TEKT4: variants seen among roughly 807,000 people sequenced by gnomAD.
TEKT4 encodes the protein tektin-4.
In TEKT4, 46 loss-of-function variants were observed where a neutral mutation model predicts 46.0. The ratio of observed to expected loss-of-function variants is 1.00; its 90% CI spans 0.79 to 1.28. The LOEUF (loss-of-function observed/expected upper bound fraction) is 1.28, where lower values mean the gene tolerates loss of function less well. Ranked by LOEUF, TEKT4 falls within the 50% of genes most tolerant of loss-of-function variation. The pLI is 0.00. For synonymous variants in TEKT4, 325 were observed against 265.8 expected, an observed-to-expected ratio of 1.22 and a Z score of -2.17; for missense variants, 790 against 622.9, an observed-to-expected ratio of 1.27 and a Z score of -2.85.
intron 1 of TEKT4, chr2:94,872,941 G>C (rs1450372513): frequency 7.8e-7 from 1 of 1,289,430 alleles, no homozygotes; most frequent in Non-Finnish European, 1.0e-6. Context: ...GCAAACCCAG[G>C]GATAGAGGGG....
At position 94,873,582 on chromosome 2, in the gene TEKT4, C is replaced by T. The variant is rs781887659; in HGVS notation, c.561C>T (p.Ser187=). ...AGAGAACCATCATGCAAGCAGTGAGCCAGATCCGGTGGGTAGAGGGCTGCC... is the reference window on the plus strand; with the variant it reads ...AGAGAACCATCATGCAAGCAGTGAGTCAGATCCGGTGGGTAGAGGGCTGCC... ...LLKRTIMQAV[S]QIRLNREHKE... The change falls in exon 2 of 6, where the codon AGC becomes AGT. Residue 187 remains serine, a synonymous_variant. Coordinates refer to ENST00000295201, the MANE Select transcript of TEKT4 (RefSeq NM_144705.4). The T allele has an allele frequency of 2.5e-6, 4 of 1,613,266 alleles. No individual in the cohort carries two copies. The highest frequency in any genetic ancestry group is 1.7e-6 in the Non-Finnish European group (2 of 1,179,994).
rs116591654 is a variant in TEKT4 at position 94,873,833 on chromosome 2, G to A, written c.570-132G>A. On this transcript the variant is annotated intron_variant, in intron 2 of 5. Coordinates refer to ENST00000295201, the MANE Select transcript of TEKT4 (RefSeq NM_144705.4). The stretch of plus-strand genomic sequence containing the variant: ...GCAGCTCCTGGTCACTGCTGAGCAC[G>A]AGGGCTGCCCGGGACAGGCCCACCC... 1,401 of 1,350,800 alleles carry A rather than the reference G, an allele frequency of 1.0e-3. 8 individuals are homozygous for A. The African/African-American group carries it at 0.016, about 15-fold the overall frequency. 83.7% of individuals were successfully genotyped at this position (1,350,800 alleles called of 1,614,324 possible). A position where few individuals can be genotyped will look rare whatever the true frequency, so the allele number is the denominator to read the frequency against.
At position 94,875,724 on chromosome 2, in the gene TEKT4, G is replaced by C. The variant is rs781924887; in HGVS notation, c.1073G>C (p.Arg358Pro). The C allele has an allele frequency of 7.4e-6, 12 of 1,613,976 alleles. No homozygotes were observed. The highest frequency in any genetic ancestry group is 1.0e-5 in the Non-Finnish European group (12 of 1,179,922). ...RSHRPNMELCRDAAQFRLLSE... is the reference protein window; with the variant it reads ...RSHRPNMELCPDAAQFRLLSE... ...CACCGGCCCAACATGGAGCTGTGCC[G>C]TGACGCAGCCCAGTTCAGGTGCTGC... is the stretch of plus-strand genomic sequence containing the variant. The change falls in exon 5 of 6, where the codon CGT (arginine) becomes CCT (proline). Residue 358 changes from arginine (R) to proline (P), a missense_variant. By Grantham distance (103) the Arg-to-Pro change is moderately radical. Transcript: ENST00000295201.
Position 94,874,108 on chromosome 2 carries a change from G to A in TEKT4, c.713G>A (p.Ser238Asn). The A allele has an allele frequency of 6.2e-7, 1 of 1,613,352 alleles. No individual in the cohort carries two copies. The highest frequency in any genetic ancestry group is 8.5e-7 in the Non-Finnish European group (1 of 1,179,858). ...AHPYSTTFQE[S>N]ASTPETRAKF... is the part of the protein sequence containing the mutation. ...CCGTACTCCACCACCTTCCAAGAGA[G>A]GTGGGCCCCAGCTCTGCCCCTGCAC... is the stretch of plus-strand genomic sequence containing the variant. The change falls in exon 3 of 6, where the codon AGC (serine) becomes AAC (asparagine). Residue 238 changes from serine to asparagine, a missense_variant and splice_region_variant. By Grantham distance (46) the Ser-to-Asn change is conservative. Transcript: ENST00000295201.
chr2:94,875,996 G>T (rs1267237372), intron 5 of TEKT4, among the ~76,000 whole-genome samples: 1 of 152,178 alleles, frequency 6.6e-6, no homozygotes, highest in Non-Finnish European at 1.5e-5. Flanking sequence ...CCCACCCTAT[G>T]CTACCTCATC....
chr2:94,873,342 G>A lies in TEKT4; in HGVS notation c.499-178G>A, dbSNP rs1228374737. 4.8e-6 allele frequency: 7 copies of A among 1,453,412 alleles called. No individual in the cohort carries two copies. The Admixed American group carries it at 1.3e-4, about 28-fold the overall frequency. 90.0% of individuals were successfully genotyped at this position (1,453,412 alleles called of 1,614,324 possible). A position where few individuals can be genotyped will look rare whatever the true frequency, so the allele number is the denominator to read the frequency against. ...CACCCCACTTACAACGCACCAAGGA[G>A]AATGCCCAAAAGCCCAAGATAAACC... is the stretch of plus-strand genomic sequence containing the variant. On this transcript the variant is annotated intron_variant, in intron 1 of 5. Transcript: ENST00000295201.
chr2:94,875,830 A>G (rs1680824788), intron 5 of TEKT4, 88 bp downstream of exon 5: 2 of 1,339,414 alleles, frequency 1.5e-6, no homozygotes, highest in African/African-American at 1.4e-5. Context: ...AACACCCCGC[A>G]CACACATCCC....
At chr2:94,872,231 T>C (rs1285991734) in intron 1 of TEKT4, 154 bp downstream of exon 1, 9 of 999,234 alleles carry the variant, frequency 9.0e-6, no homozygotes, top group African/African-American at 1.6e-5. Context: ...TCTGGCCCCT[T>C]AGTGACAGGA....
chr2:94,876,818 G>C lies in TEKT4; in HGVS notation c.*49G>C, dbSNP rs62147445. Reference sequence around the variant, plus strand: ...AGTCCCCCAAATAAACAGCGCGTTAGCTTTCTGCACAGTGTGTGTGTGTGC... The same window carrying C: ...AGTCCCCCAAATAAACAGCGCGTTACCTTTCTGCACAGTGTGTGTGTGTGC... On this transcript the variant is annotated 3_prime_UTR_variant, in exon 6 of 6. Transcript: ENST00000295201. The C allele has an allele frequency of 7.2e-5, 109 of 1,510,830 alleles. No homozygotes were observed. The highest frequency in any genetic ancestry group is 9.6e-5 in the Non-Finnish European group (106 of 1,107,406). The allele number at this position is 1,510,830 out of a possible 1,614,324, so 93.6% of individuals were successfully genotyped here. A position where few individuals can be genotyped will look rare whatever the true frequency, so the allele number is the denominator to read the frequency against.
intron 3 of TEKT4, 143 bp from the exon 4 acceptor site, chr2:94,874,633 T>C: frequency 1.3e-6 from 1 of 773,596 alleles, no homozygotes; most frequent in South Asian, 1.9e-5. Context: ...GGGACTGGGC[T>C]TTGTGGGGCA....
chr2:94,876,593 G>C lies in TEKT4; in HGVS notation c.1132G>C (p.Ala378Pro), dbSNP rs782093291. ...GGAGGAGCTGAACATGTCCCTCACA[G>C]CACTGCGAGAGAAGCTTCTAGAAGC... ...EVEELNMSLT[A>P]LREKLLEAEQ... The change falls in exon 6 of 6, where the codon GCA becomes CCA. Residue 378 changes from alanine to proline, a missense_variant. Ala to Pro is a conservative substitution (Grantham distance 27). Transcript: ENST00000295201. The C allele has an allele frequency of 6.2e-7, 1 of 1,611,716 alleles. No individual in the cohort carries two copies. Among genetic ancestry groups the C allele is most frequent in the Non-Finnish European group, 8.5e-7 (1 of 1,179,508 alleles).
rs1553395531 is a variant in TEKT4, at chr2:94,873,990, T to C, written c.595T>C (p.Cys199Arg). 2 of 1,576,982 alleles carry C rather than the reference T, an allele frequency of 1.3e-6. No homozygotes were observed. Among genetic ancestry groups the C allele is most frequent in the East Asian group, 4.7e-5 (2 of 42,330 alleles). The stretch of plus-strand genomic sequence containing the variant: ...ACTGAACCGGGAGCACAAGGAGACC[T>C]GCGAGATGGACTGGTCAGACAAGAT... Reference protein sequence around the residue: ...IRLNREHKETCEMDWSDKMEA... With the variant: ...IRLNREHKETREMDWSDKMEA... Residue 199 changes from cysteine (C) to arginine (R), a missense_variant, in exon 3 of 6, where the codon TGC (cysteine) becomes CGC (arginine). Physicochemically the swap from Cys to Arg is radical, Grantham distance 180 (BLOSUM62 -3). Coordinates refer to ENST00000295201, the MANE Select transcript of TEKT4 (RefSeq NM_144705.4).
chr2:94,875,568 G>A lies in TEKT4; in HGVS notation c.937-20G>A, dbSNP rs1553396190. ...CCGGGCATGGGGGCACAGGCCCAAGGAGAACTGTCCTGTCTGCAGACACTG... is the reference window on the plus strand; with the variant it reads ...CCGGGCATGGGGGCACAGGCCCAAGAAGAACTGTCCTGTCTGCAGACACTG... On this transcript the variant is annotated intron_variant, in intron 4 of 5. Coordinates refer to ENST00000295201, the MANE Select transcript of TEKT4 (RefSeq NM_144705.4). 2 of 1,613,910 alleles carry A rather than the reference G, an allele frequency of 1.2e-6. No individual in the cohort carries two copies. The highest frequency in any genetic ancestry group is 1.3e-5 in the African/African-American group (1 of 75,056).
chr2:94,873,499 T>A, intron 1 of TEKT4, 21 bp from the exon 2 acceptor site: 1 of 1,611,936 alleles, frequency 6.2e-7, no homozygotes, highest in Non-Finnish European at 8.5e-7. Context: ...GCTCTGGTGC[T>A]CAGGGCGTCT....
At position 94,872,132 on chromosome 2, in the gene TEKT4, C is replaced by CCA. The variant is rs1558604310; in HGVS notation, c.498+56_498+57insAC. On this transcript the variant is annotated intron_variant, in intron 1 of 5. Transcript: ENST00000295201. The stretch of plus-strand genomic sequence containing the variant: ...GTGGGCGCAGAGAGGAGGAGCCCCC[C>CCA]CCCCCGCAGTTCATGTGGACAAGCC... 4.1e-6 allele frequency: 6 copies of CCA among 1,475,784 alleles called. 1 individual carries two copies. The highest frequency in any genetic ancestry group is 5.0e-5 in the East Asian group (2 of 40,370). 91.4% of individuals were successfully genotyped at this position (1,475,784 alleles called of 1,614,324 possible). A position where few individuals can be genotyped will look rare whatever the true frequency, so the allele number is the denominator to read the frequency against.
chr2:94,873,595 G>A lies in TEKT4; in HGVS notation c.569+5G>A. On this transcript the variant is annotated splice_donor_5th_base_variant and intron_variant, in intron 2 of 5. Coordinates refer to ENST00000295201, the MANE Select transcript of TEKT4 (RefSeq NM_144705.4). ...GCAAGCAGTGAGCCAGATCCGGTGG[G>A]TAGAGGGCTGCCCAAGGGATGATTC... The A allele has an allele frequency of 6.2e-7, 1 of 1,613,576 alleles. No homozygotes were observed. The highest frequency in any genetic ancestry group is 8.5e-7 in the Non-Finnish European group (1 of 1,179,982).
At position 94,871,447 on chromosome 2, in the gene TEKT4, C is replaced by T; in HGVS notation, c.-133C>T. On this transcript the variant is annotated 5_prime_UTR_variant, in exon 1 of 6. Transcript: ENST00000295201. Reference sequence around the variant, plus strand: ...AAGCTCTTGGTTTACACAGTGTCACCCAAGCGACTGGGAGCCGCGTCCTGC... The same window carrying T: ...AAGCTCTTGGTTTACACAGTGTCACTCAAGCGACTGGGAGCCGCGTCCTGC... 4 of 1,183,910 alleles carry T rather than the reference C, an allele frequency of 3.4e-6. No individual in the cohort carries two copies. The highest frequency in any genetic ancestry group is 4.6e-6 in the Non-Finnish European group (4 of 869,938). 73.3% of individuals were successfully genotyped at this position (1,183,910 alleles called of 1,614,324 possible).
At chr2:94,874,181 C>T (rs782012877) in intron 3 of TEKT4, 73 bp downstream of exon 3, 527 of 1,549,958 alleles carry the variant, frequency 3.4e-4, no homozygotes, top group Admixed American at 5.1e-4. Context: ...GCCCCAGCGG[C>T]GCTGCTTTCA....
chr2:94,873,495 G>T, intron 1 of TEKT4, 25 bp from the exon 2 acceptor site: 1 of 1,611,956 alleles, frequency 6.2e-7, no homozygotes, highest in Admixed American at 1.7e-5. Context: ...ACTGGCTCTG[G>T]TGCTCAGGGC....
Sources: allele counts gnomAD v4.1 joint callset (sites outside exome capture counted in the v4.1 genomes callset), GRCh38; gene constraint gnomAD v4.1.1; transcripts MANE v1.5; gene names NCBI Gene and HGNC (gene_info 2026-07-23, HGNC 2026-07-21).